Variants in KCNK5 observed in about 807,000 individuals in gnomAD.
KCNK5 encodes the protein potassium channel subfamily K member 5.
KCNK5 carries 18 observed loss-of-function variants against 32.9 expected under a neutral mutation model. That is an observed-to-expected ratio of 0.55 (90% CI 0.38 to 0.81). The LOEUF is 0.81. KCNK5 is among the 30% of genes least tolerant of loss of function. KCNK5 has a pLI of 0.00. For missense variants in KCNK5, 507 were observed against 651.0 expected, an observed-to-expected ratio of 0.78 and a Z score of 2.41; for synonymous variants, 276 against 275.3, an observed-to-expected ratio of 1.00 and a Z score of -0.03.
At chr6:39,205,195 G>C (rs959349798) in intron 1 of KCNK5, among the ~76,000 whole-genome samples, 2 of 152,154 alleles carry the variant, frequency 1.3e-5, no homozygotes, top group African/African-American at 2.4e-5. Context: ...CAGGCACCTG[G>C]AGGGCTGAGC....
In KCNK5 at chr6:39,218,920, G is replaced by T. The variant is rs114339850; in HGVS notation, c.186+10006C>A. Among the ~76,000 whole-genome samples, 3 of 152,326 alleles carry T rather than the reference G, an allele frequency of 2.0e-5. No individual in the cohort carries two copies. The South Asian group carries it at 6.2e-4, about 32-fold the overall frequency. ...GGATGTTTTTCTCCTGCCCCAGCTC[G>T]TCCAACTTGCCCTCTTGGTTTCCAC... is the stretch of plus-strand genomic sequence containing the variant. On this transcript the variant is annotated intron_variant, in intron 1 of 4. Coordinates refer to ENST00000359534, the MANE Select transcript of KCNK5 (RefSeq NM_003740.4).
chr6:39,210,356 G>A (rs1771310274), intron 1 of KCNK5, among the ~76,000 whole-genome samples: 1 of 152,150 alleles, frequency 6.6e-6, no homozygotes, highest in Non-Finnish European at 1.5e-5. Flanking sequence ...AAGAGTAGGG[G>A]AACAGGAGGG....
intron 1 of KCNK5, among the ~76,000 whole-genome samples, chr6:39,211,830 G>A (rs1402124910): frequency 6.6e-6 from 1 of 151,150 alleles, no homozygotes. Context: ...TGGGCATGGT[G>A]GTGAATGCCT....
At chr6:39,224,174 C>A (rs1255727695) in intron 1 of KCNK5, among the ~76,000 whole-genome samples, 1 of 151,082 alleles carries the variant, frequency 6.6e-6, no homozygotes, top group East Asian at 1.9e-4. Context: ...AATTTCCTCT[C>A]AAAAAACCAG....
At position 39,191,225 on chromosome 6, in the gene KCNK5, C is replaced by T. The variant is rs148036963; in HGVS notation, c.1165G>A (p.Glu389Lys). 87 of 1,614,062 alleles carry T rather than the reference C, an allele frequency of 5.4e-5. No homozygotes were observed. Among genetic ancestry groups the T allele is most frequent in the Admixed American group, 8.3e-5 (5 of 60,016 alleles). Residue 389 changes from glutamate (E) to lysine (K), a missense_variant, in exon 5 of 5, where the codon GAG becomes AAG. Coordinates refer to ENST00000359534, the MANE Select transcript of KCNK5 (RefSeq NM_003740.4). This position sits in a 1 kb window ranked among gnomAD's most constrained non-coding sequence, Gnocchi z 5.8. ...RAPEDSSPAP[E>K]VFMNQLDRIS... ...CGGTCCAGCTGGTTCATGAACACCT[C>T]GGGGGCAGGGGAGCTGTCTTCAGGG...
At chr6:39,217,592 A>G (rs1331406309) in intron 1 of KCNK5, among the ~76,000 whole-genome samples, 1 of 152,260 alleles carries the variant, frequency 6.6e-6, no homozygotes, top group South Asian at 2.1e-4. Context: ...GGCAAGTTAC[A>G]TAACCTCCAA....
chr6:39,225,859 A>G (rs1039437906), intron 1 of KCNK5, among the ~76,000 whole-genome samples: 2 of 152,046 alleles, frequency 1.3e-5, no homozygotes, highest in South Asian at 2.1e-4. Context: ...CCCTGTGGCC[A>G]TTCTATCTTC....
intron 1 of KCNK5, among the ~76,000 whole-genome samples, chr6:39,203,761 G>A (rs1771172249): frequency 1.3e-5 from 2 of 152,218 alleles, no homozygotes; most frequent in Non-Finnish European, 2.9e-5. Flanking sequence ...ATATTCTGTT[G>A]ACCTGGCACA....
rs916878786 is a variant in KCNK5 at position 39,194,708 on chromosome 6, G to C, written c.351C>G (p.Phe117Leu). 6.2e-7 allele frequency: 1 copy of C among 1,614,164 alleles called. No individual in the cohort carries two copies. Among genetic ancestry groups the C allele is most frequent in the Non-Finnish European group, 8.5e-7 (1 of 1,180,040 alleles). Residue 117 changes from phenylalanine to leucine, a missense_variant, in exon 3 of 5, where the codon TTC becomes TTG. By Grantham distance (22) the Phe-to-Leu change is conservative. Coordinates refer to ENST00000359534, the MANE Select transcript of KCNK5 (RefSeq NM_003740.4). This position sits in a 1 kb window ranked among gnomAD's most constrained non-coding sequence, Gnocchi z 4.7. The part of the protein sequence containing the change: ...KTPAGRLFCV[F>L]YGLFGVPLCL... ...AGAGCGGCACCCCGAAGAGACCATA[G>C]AAAACACAGAAGAGGCGACCGGCGG... is the stretch of plus-strand genomic sequence containing the variant.
rs1388944064 is a variant in KCNK5, at chr6:39,189,352, CTCAGTGTCCCCT to C, written c.*1526_*1537del. On this transcript the variant is annotated 3_prime_UTR_variant, in exon 5 of 5. Transcript: ENST00000359534. ...GATGCCCCTTCCTGCTTTTGCTCAC[CTCAGTGTCCCCT>C]TCTCCACCTCTGCTTGGGGACATGG... 6.6e-6 allele frequency: 1 copy of C among 152,512 alleles called. No individual in the cohort carries two copies. Among genetic ancestry groups the C allele is most frequent in the Admixed American group, 6.5e-5 (1 of 15,274 alleles). The allele number at this position is 152,512 out of a possible 1,614,324, so 9.4% of individuals were successfully genotyped here.
chr6:39,219,203 G>A (rs1562058124), intron 1 of KCNK5, among the ~76,000 whole-genome samples: 1 of 152,150 alleles, frequency 6.6e-6, no homozygotes, highest in Non-Finnish European at 1.5e-5. Flanking sequence ...ACAAGGGATG[G>A]GGGATAGGGG....
chr6:39,223,022 T>C (rs531688070), intron 1 of KCNK5, among the ~76,000 whole-genome samples: 2 of 152,214 alleles, frequency 1.3e-5, no homozygotes, highest in African/African-American at 2.4e-5. Context: ...TGGTAAATTA[T>C]ATGTTTCTGT....
intron 1 of KCNK5, among the ~76,000 whole-genome samples, chr6:39,205,058 C>A (rs1340113606): frequency 2.0e-5 from 3 of 152,226 alleles, no homozygotes; most frequent in Non-Finnish European, 4.4e-5. Flanking sequence ...GGCAGGGGGG[C>A]AGCTGGGCAT....
Position 39,194,390 on chromosome 6 carries a change from G to A in KCNK5, c.466-53C>T, listed in dbSNP as rs540949716. 7 of 1,549,336 alleles carry A rather than the reference G, an allele frequency of 4.5e-6. No homozygotes were observed. In the African/African-American group the frequency reaches 9.6e-5, roughly 21 times the overall value. ...AGAATAGTGGAGACTTGGAAACCCA[G>A]CAAAGGCACCCAGAGGGCCAGGGAG... On this transcript the variant is annotated intron_variant, in intron 3 of 4. Coordinates refer to ENST00000359534, the MANE Select transcript of KCNK5 (RefSeq NM_003740.4). The surrounding 1 kb of genome is among the most constrained non-coding windows in gnomAD (Gnocchi z 4.7).
chr6:39,229,212 G>T lies in KCNK5; in HGVS notation c.-101C>A. On this transcript the variant is annotated 5_prime_UTR_variant, in exon 1 of 5. Coordinates refer to ENST00000359534, the MANE Select transcript of KCNK5 (RefSeq NM_003740.4). ...CTGAAAACAGCTGTTTGAATTTGGA[G>T]CTCCGCATGCGCAGTGCCCGGTACT... 2 of 1,219,228 alleles carry T rather than the reference G, an allele frequency of 1.6e-6. No individual in the cohort carries two copies. The highest frequency in any genetic ancestry group is 2.3e-6 in the Non-Finnish European group (2 of 871,150). The allele number at this position is 1,219,228 out of a possible 1,614,324, so 75.5% of individuals were successfully genotyped here.
In KCNK5 at chr6:39,190,789, G is replaced by T; in HGVS notation, c.*101C>A. 1 of 1,237,538 alleles carries T rather than the reference G, an allele frequency of 8.1e-7. No individual in the cohort carries two copies. The highest frequency in any genetic ancestry group is 1.1e-6 in the Non-Finnish European group (1 of 935,440). 76.7% of individuals were successfully genotyped at this position (1,237,538 alleles called of 1,614,324 possible). A position where few individuals can be genotyped will look rare whatever the true frequency, so the allele number is the denominator to read the frequency against. On this transcript the variant is annotated 3_prime_UTR_variant, in exon 5 of 5. Transcript: ENST00000359534. Reference sequence around the variant, plus strand: ...CTGGCCCCCCACTCCCAGTTCCGAGGCTGCCCCCCCACCAGGGGCCAGGCG... The same window carrying T: ...CTGGCCCCCCACTCCCAGTTCCGAGTCTGCCCCCCCACCAGGGGCCAGGCG...
At chr6:39,206,719 G>C (rs890128166) in intron 1 of KCNK5, among the ~76,000 whole-genome samples, 1 of 152,102 alleles carries the variant, frequency 6.6e-6, no homozygotes, top group Non-Finnish European at 1.5e-5. Context: ...CCACATCTGG[G>C]TTCAAAATCC....
intron 1 of KCNK5, among the ~76,000 whole-genome samples, chr6:39,227,106 C>T (rs924866942): frequency 6.3e-4 from 93 of 148,408 alleles, no homozygotes; most frequent in African/African-American, 2.2e-3. Flanking sequence ...AACCCCTGGA[C>T]CCCGCCCCCC....
chr6:39,227,475 C>G (rs948812855), intron 1 of KCNK5, among the ~76,000 whole-genome samples: 1 of 152,126 alleles, frequency 6.6e-6, no homozygotes, highest in Non-Finnish European at 1.5e-5. Flanking sequence ...AACCAACCAT[C>G]TACTGAAGCT....
Sources: gnomAD v4.1 joint callset for allele counts (sites outside exome capture counted in the v4.1 genomes callset) on GRCh38, gnomAD v4.1.1 for gene constraint, Gnocchi (gnomAD v3.1) non-coding constraint, MANE v1.5 for transcripts, NCBI Gene and HGNC (gene_info 2026-07-23, HGNC 2026-07-21) for gene names.